Variants in PAPSS1 observed in about 807,000 individuals in gnomAD.
The protein encoded by PAPSS1 is bifunctional 3'-phosphoadenosine 5'-phosphosulfate synthase 1.
In PAPSS1, 50 loss-of-function variants were observed where a neutral mutation model predicts 72.0. The observed-to-expected ratio is 0.69, with a 90% CI of 0.55 to 0.88. The LOEUF (loss-of-function observed/expected upper bound fraction) is 0.88. Ranked by LOEUF, PAPSS1 falls within the 40% of genes least tolerant of loss-of-function variation. The probability of loss-of-function intolerance (pLI) is 0.00; values close to 1 mark genes in which losing one functional copy is unlikely to be tolerated. For missense variants in PAPSS1, 657 were observed against 782.2 expected, an observed-to-expected ratio of 0.84 and a Z score of 1.91; for synonymous variants, 261 against 263.6, an observed-to-expected ratio of 0.99 and a Z score of 0.09.
intron 5 of PAPSS1, among the ~76,000 whole-genome samples, chr4:107,668,394 G>A (rs888419363): frequency 6.6e-6 from 1 of 152,178 alleles, no homozygotes; most frequent in Non-Finnish European, 1.5e-5. Flanking sequence ...CTCTGCCTGT[G>A]ATGGTTAATA....
intron 4 of PAPSS1, 144 bp downstream of exon 4, chr4:107,686,895 T>C (rs906881923): frequency 1.7e-5 from 13 of 757,554 alleles, no homozygotes; most frequent in Non-Finnish European, 2.6e-5. Context: ...GCCTGAGAGA[T>C]AGAACAGTGT....
chr4:107,672,519 G>A (rs1727513771), intron 5 of PAPSS1, among the ~76,000 whole-genome samples: 1 of 152,306 alleles, frequency 6.6e-6, no homozygotes, highest in Non-Finnish European at 1.5e-5. Context: ...GAGGCTGGGG[G>A]AGGGGTGCCC....
In PAPSS1 at chr4:107,720,223, G is replaced by A. The variant is rs973127; in HGVS notation, c.-44C>T. The A allele has an allele frequency of 7.0e-3, 11,002 of 1,577,324 alleles. 638 individuals carry two copies. The African/African-American group carries it at 0.13, about 18-fold the overall frequency. On this transcript the variant is annotated 5_prime_UTR_variant, in exon 1 of 12. Transcript: ENST00000265174. ...GCAGCCGGGGTTCTCTGCGCCGGGA[G>A]GGTAGCAAGAGGAGGGCAGGCCAGC...
At chr4:107,719,977 G>A (rs1436007717) in intron 1 of PAPSS1, 143 bp downstream of exon 1, 16 of 1,439,518 alleles carry the variant, frequency 1.1e-5, no homozygotes, top group South Asian at 1.4e-5. Flanking sequence ...GGCCCCAGCC[G>A]GGAGGCGCCG....
At chr4:107,655,026 T>C in intron 7 of PAPSS1, 126 bp from the exon 8 acceptor site, 1 of 637,078 alleles carries the variant, frequency 1.6e-6, no homozygotes, top group South Asian at 2.1e-5. Flanking sequence ...GTGACAGTAT[T>C]CAACTGGTAC....
intron 7 of PAPSS1, among the ~76,000 whole-genome samples, chr4:107,655,298 T>A (rs888137795): frequency 6.6e-6 from 1 of 152,158 alleles, no homozygotes; most frequent in African/African-American, 2.4e-5. Flanking sequence ...CTGGGCCTTT[T>A]CAGGAAAAAC....
At chr4:107,643,694 A>G (rs1161512931) in intron 10 of PAPSS1, among the ~76,000 whole-genome samples, 17 of 152,202 alleles carry the variant, frequency 1.1e-4, no homozygotes, top group Admixed American at 1.1e-3. Context: ...AGAAAGGGGC[A>G]AGAAGAAAAA....
At chr4:107,718,778 T>G (rs1421128231) in intron 1 of PAPSS1, among the ~76,000 whole-genome samples, 1 of 152,236 alleles carries the variant, frequency 6.6e-6, no homozygotes, top group Non-Finnish European at 1.5e-5. Context: ...TAAGCCAACC[T>G]TATTTCCCTA....
At chr4:107,622,180 A>G (rs966183954) in intron 11 of PAPSS1, among the ~76,000 whole-genome samples, 4 of 152,168 alleles carry the variant, frequency 2.6e-5, no homozygotes, top group African/African-American at 9.7e-5. Flanking sequence ...GTTCAAAGCT[A>G]CTTTGGCTTC....
intron 11 of PAPSS1, among the ~76,000 whole-genome samples, chr4:107,623,841 C>G (rs1030851987): frequency 3.3e-5 from 5 of 152,194 alleles, no homozygotes; most frequent in African/African-American, 1.2e-4. Context: ...TTTCAGCATT[C>G]GCTTACTGGT....
chr4:107,632,027 A>C (rs901910880), intron 10 of PAPSS1, among the ~76,000 whole-genome samples, 167 bp from the exon 11 acceptor site: 1 of 152,150 alleles, frequency 6.6e-6, no homozygotes, highest in Non-Finnish European at 1.5e-5. Flanking sequence ...CTAACAAAAA[A>C]CAAAAACCTC....
At chr4:107,711,341 T>C (rs1723488304) in intron 1 of PAPSS1, among the ~76,000 whole-genome samples, 1 of 152,240 alleles carries the variant, frequency 6.6e-6, no homozygotes, top group South Asian at 2.1e-4. Flanking sequence ...CAAACTTCCA[T>C]CCTCATCAAT....
intron 1 of PAPSS1, among the ~76,000 whole-genome samples, chr4:107,715,768 G>C (rs1723623030): frequency 6.6e-6 from 1 of 152,160 alleles, no homozygotes; most frequent in South Asian, 2.1e-4. Context: ...AATATTTGAG[G>C]AGCTAATAAA....
At position 107,668,852 on chromosome 4, in the gene PAPSS1, C is replaced by A. The variant is rs115596653; in HGVS notation, c.670-8780G>T. 2.2e-3 allele frequency among the ~76,000 whole-genome samples: 329 copies of A among 152,078 alleles called. 1 individual carries two copies. Among genetic ancestry groups the A allele is most frequent in the African/African-American group, 7.5e-3 (313 of 41,464 alleles). ...CATTAGTTCTGTCCCTCTAGAGAAC[C>A]CTAATATACTGCCCATGGCATTCGC... is the stretch of plus-strand genomic sequence containing the variant. On this transcript the variant is annotated intron_variant, in intron 5 of 11. Coordinates refer to ENST00000265174, the MANE Select transcript of PAPSS1 (RefSeq NM_005443.5).
At chr4:107,655,039 G>A (rs1394004651) in intron 7 of PAPSS1, 139 bp from the exon 8 acceptor site, 2 of 587,788 alleles carry the variant, frequency 3.4e-6, no homozygotes, top group South Asian at 2.3e-5. Flanking sequence ...ACTGGTACCT[G>A]GCACAGAAAA....
chr4:107,719,081 T>C (rs893165943), intron 1 of PAPSS1, among the ~76,000 whole-genome samples: 1 of 152,100 alleles, frequency 6.6e-6, no homozygotes, highest in Non-Finnish European at 1.5e-5. Flanking sequence ...TTACCATCTA[T>C]AGAGTTAAAT....
rs1553921233 is a variant in PAPSS1 at position 107,683,977 on chromosome 4, A to ACACACAC, written c.551-1845_551-1844insGTGTGTG. The stretch of plus-strand genomic sequence containing the variant: ...GTGTATGCATACAGACACACACACA[A>ACACACAC]ACACACATTAACCTAAGGAACATTT... On this transcript the variant is annotated intron_variant, in intron 4 of 11. Coordinates refer to ENST00000265174, the MANE Select transcript of PAPSS1 (RefSeq NM_005443.5). Among the ~76,000 whole-genome samples the ACACACAC allele has an allele frequency of 2.5e-3, 320 of 126,574 alleles. 1 individual carries two copies. The highest frequency in any genetic ancestry group is 4.6e-3 in the South Asian group (18 of 3,936). 83.0% of individuals were successfully genotyped at this position (126,574 alleles called of 152,430 possible).
chr4:107,633,835 C>T (rs1455356938), intron 10 of PAPSS1, among the ~76,000 whole-genome samples: 1 of 147,238 alleles, frequency 6.8e-6, no homozygotes, highest in Non-Finnish European at 1.5e-5. Context: ...AGGAGAATGG[C>T]GTGAACCCGG....
intron 9 of PAPSS1, among the ~76,000 whole-genome samples, chr4:107,652,152 C>T (rs1052389570): frequency 6.6e-6 from 1 of 152,198 alleles, no homozygotes; most frequent in African/African-American, 2.4e-5. Flanking sequence ...AACACATTCA[C>T]CTGCCCTTTC....
Sources: gnomAD v4.1 joint callset for allele counts (sites outside exome capture counted in the v4.1 genomes callset) on GRCh38, gnomAD v4.1.1 for gene constraint, MANE v1.5 for transcripts, NCBI Gene and HGNC (gene_info 2026-07-23, HGNC 2026-07-21) for gene names.